UBP1: variants seen among roughly 807,000 people sequenced by gnomAD.
UBP1 encodes upstream-binding protein 1.
Under a neutral mutation model 76.1 loss-of-function variants are expected in UBP1, and 22 were observed. That is an observed-to-expected ratio of 0.29 (90% CI 0.21 to 0.41). UBP1 has a LOEUF of 0.41. Ranked by LOEUF, UBP1 falls within the 10% of genes least tolerant of loss-of-function variation. The pLI, the probability that UBP1 is intolerant of heterozygous loss-of-function variation, is 1.00. For missense variants in UBP1, 436 were observed against 668.1 expected, an observed-to-expected ratio of 0.65 and a Z score of 3.83; for synonymous variants, 224 against 237.1, an observed-to-expected ratio of 0.94 and a Z score of 0.51.
At chr3:33,435,981 A>G (rs1451494406) in intron 1 of UBP1, among the ~76,000 whole-genome samples, 1 of 152,248 alleles carries the variant, frequency 6.6e-6, no homozygotes, top group Non-Finnish European at 1.5e-5. Flanking sequence ...CTACTCAGGG[A>G]CATTCTATTT....
chr3:33,400,143 A>C (rs2044166662), intron 11 of UBP1, 46 bp downstream of exon 11: 2 of 1,281,988 alleles, frequency 1.6e-6, no homozygotes. Flanking sequence ...CACAGAAACA[A>C]AAACAAAACA....
At chr3:33,412,064 G>A (rs566053864) in intron 4 of UBP1, among the ~76,000 whole-genome samples, 6 of 151,970 alleles carry the variant, frequency 3.9e-5, no homozygotes, top group African/African-American at 1.4e-4. Context: ...GCGCGTGCCT[G>A]TAGTCCCAGC....
At chr3:33,399,437 CTG>C (rs2044137493) in intron 11 of UBP1, among the ~76,000 whole-genome samples, 1 of 152,120 alleles carries the variant, frequency 6.6e-6, no homozygotes, top group Non-Finnish European at 1.5e-5. Context: ...TATATAAAAA[CTG>C]TAATTGAGTA....
chr3:33,428,908 T>A (rs2045066554), intron 1 of UBP1, among the ~76,000 whole-genome samples: 1 of 151,450 alleles, frequency 6.6e-6, no homozygotes, highest in Non-Finnish European at 1.5e-5. Context: ...CTGATTCTAC[T>A]CTTCTACTGG....
chr3:33,407,492 G>C (rs1444392780), intron 8 of UBP1, among the ~76,000 whole-genome samples: 1 of 151,756 alleles, frequency 6.6e-6, no homozygotes, highest in East Asian at 1.9e-4. Context: ...TGCTGGGGCG[G>C]GTGTTTTAGG....
intron 10 of UBP1, among the ~76,000 whole-genome samples, chr3:33,400,537 A>G (rs937239355): frequency 4.6e-5 from 7 of 152,186 alleles, no homozygotes; most frequent in African/African-American, 1.7e-4. Context: ...CATGGACAAC[A>G]TGAACATTTC....
chr3:33,419,628 C>CAA (rs34615713), intron 2 of UBP1, among the ~76,000 whole-genome samples: 23,631 of 100,394 alleles, frequency 0.24, 2,483 homozygotes, highest in East Asian at 0.53. Context: ...GACTCCATCT[C>CAA]AAAAAAAAAA....
chr3:33,434,682 C>CTTTTTTT (rs10709462), intron 1 of UBP1, among the ~76,000 whole-genome samples: 13 of 87,722 alleles, frequency 1.5e-4, no homozygotes, highest in East Asian at 3.2e-4. Flanking sequence ...AATGGTTTTA[C>CTTTTTTT]TTTTTTTTTT....
chr3:33,413,569 T>C (rs1037398926), intron 3 of UBP1, among the ~76,000 whole-genome samples: 10 of 149,848 alleles, frequency 6.7e-5, no homozygotes, highest in African/African-American at 2.2e-4. Flanking sequence ...AAAAAAACTT[T>C]GAGTTTTGAA....
intron 1 of UBP1, among the ~76,000 whole-genome samples, chr3:33,439,460 T>A (rs929690636): frequency 2.0e-5 from 3 of 152,152 alleles, no homozygotes; most frequent in Non-Finnish European, 4.4e-5. Flanking sequence ...ACCCAAGCCA[T>A]CCTAATAGCT....
At chr3:33,395,404 A>C (rs548145393) in intron 13 of UBP1, among the ~76,000 whole-genome samples, 1 of 152,190 alleles carries the variant, frequency 6.6e-6, no homozygotes, top group Non-Finnish European at 1.5e-5. Context: ...ATGTTACCAT[A>C]TATCCATACA....
In UBP1 at chr3:33,390,066, G is replaced by A; in HGVS notation, c.*265C>T. The A allele has an allele frequency of 2.3e-6, 1 of 427,526 alleles. No homozygotes were observed. The highest frequency in any genetic ancestry group is 6.8e-5 in the South Asian group (1 of 14,776). 26.5% of individuals were successfully genotyped at this position (427,526 alleles called of 1,614,324 possible). A position where few individuals can be genotyped will look rare whatever the true frequency, so the allele number is the denominator to read the frequency against. ...ACTGTATTTACTGGCCTCTGCCAGA[G>A]CAGCAGGCAGCTATGCCTGCACCGT... is the stretch of plus-strand genomic sequence containing the variant. On this transcript the variant is annotated 3_prime_UTR_variant, in exon 16 of 16. Coordinates refer to ENST00000283629, the MANE Select transcript of UBP1 (RefSeq NM_014517.5).
At chr3:33,414,981 G>T (rs957587367) in intron 3 of UBP1, among the ~76,000 whole-genome samples, 9 of 151,912 alleles carry the variant, frequency 5.9e-5, no homozygotes, top group Non-Finnish European at 1.3e-4. Context: ...TCATAATGAG[G>T]TGTCATTTTT....
chr3:33,412,602 C>T (rs1575474439), intron 4 of UBP1, 120 bp downstream of exon 4: 3 of 621,370 alleles, frequency 4.8e-6, no homozygotes, highest in East Asian at 5.9e-5. Context: ...AAAAAAGACA[C>T]AAAATCCACA....
intron 1 of UBP1, among the ~76,000 whole-genome samples, chr3:33,429,786 A>G (rs2045082899): frequency 6.6e-6 from 1 of 152,260 alleles, no homozygotes; most frequent in Non-Finnish European, 1.5e-5. Flanking sequence ...CTAAAAATCC[A>G]GCAATGTAAG....
At chr3:33,412,287 C>T (rs542068136) in intron 4 of UBP1, among the ~76,000 whole-genome samples, 3 of 151,160 alleles carry the variant, frequency 2.0e-5, no homozygotes, top group East Asian at 3.9e-4. Flanking sequence ...AGCTACTTGA[C>T]GTTTTAACTA....
intron 1 of UBP1, among the ~76,000 whole-genome samples, chr3:33,429,845 C>T (rs1036677837): frequency 3.3e-5 from 5 of 152,194 alleles, no homozygotes; most frequent in Admixed American, 2.6e-4. Context: ...TAGTGTGAGG[C>T]AGAGACTGCA....
At chr3:33,440,491 C>G (rs1356396212), upstream of UBP1, 1 of 151,802 alleles carries the variant, frequency 6.6e-6, no homozygotes. Flanking sequence ...TAGGGCCACT[C>G]CCCGCGCCTC....
Position 33,438,632 on chromosome 3 carries a change from G to C in UBP1, c.113+1104C>G, listed in dbSNP as rs1265324966. ...CAGAGCCAGACGCTGGGGAACTCCA[G>C]GTTTAATATGCCTTCCACTACTCAC... On this transcript the variant is annotated intron_variant, in intron 1 of 15. Transcript: ENST00000283629. Among the ~76,000 whole-genome samples, 3 of 152,172 alleles carry C rather than the reference G, an allele frequency of 2.0e-5. No individual in the cohort carries two copies. In the East Asian group the frequency reaches 5.8e-4, roughly 29 times the overall value.
Sources: allele counts gnomAD v4.1 joint callset (sites outside exome capture counted in the v4.1 genomes callset), GRCh38; gene constraint gnomAD v4.1.1; transcripts MANE v1.5; gene names NCBI Gene and HGNC (gene_info 2026-07-23, HGNC 2026-07-21).